Variants in PDCD11 observed in about 807,000 individuals in gnomAD.
The protein encoded by PDCD11 is programmed cell death 11, also known as protein RRP5 homolog.
A neutral mutation model predicts 198.9 loss-of-function variants in PDCD11; 97 were observed. The ratio of observed to expected loss-of-function variants is 0.49; its 90% CI spans 0.41 to 0.58. PDCD11 has a LOEUF of 0.58. PDCD11 is among the 20% of genes least tolerant of loss of function. The probability of loss-of-function intolerance (pLI) is 0.00; values close to 1 mark genes in which losing one functional copy is unlikely to be tolerated. For missense variants in PDCD11, 2,102 were observed against 2,312.7 expected (o/e 0.91, Z 1.87); for synonymous variants, 893 against 918.0 (o/e 0.97, Z 0.49).
At chr10:103,431,260 C>T (rs1180229753) in intron 21 of PDCD11, among the ~76,000 whole-genome samples, 1 of 152,088 alleles carries the variant, frequency 6.6e-6, no homozygotes. Context: ...TGATAACTTT[C>T]AGGCTACATC....
In PDCD11 at chr10:103,444,068, C is replaced by G. The variant is rs754171502; in HGVS notation, c.5278C>G (p.His1760Asp). The G allele has an allele frequency of 7.5e-6, 12 of 1,609,882 alleles. No individual in the cohort carries two copies. Among genetic ancestry groups the G allele is most frequent in the Admixed American group, 1.7e-5 (1 of 59,930 alleles). Residue 1760 changes from histidine to aspartate, a missense_variant and splice_region_variant, in exon 34 of 36, where the codon CAT becomes GAT. Physicochemically the swap from His to Asp is moderately conservative, Grantham distance 81. Transcript: ENST00000369797. ...RALECLPSKE[H>D]VDVIAKFAQL... ...CCTGGAGTGCCTGCCTAGCAAGGAG[C>G]GTGAGTGCTCATTCCCAGCTCCTGA...
At position 103,396,629 on chromosome 10, in the gene PDCD11, C is replaced by T. The variant is rs2093437280; in HGVS notation, c.-113C>T. 6.6e-6 allele frequency: 1 copy of T among 152,292 alleles called. No homozygotes were observed. The highest frequency in any genetic ancestry group is 2.4e-5 in the African/African-American group (1 of 41,480). The allele number at this position is 152,292 out of a possible 1,614,324, so 9.4% of individuals were successfully genotyped here. On this transcript the variant is annotated 5_prime_UTR_variant, in exon 1 of 36. Coordinates refer to ENST00000369797, the MANE Select transcript of PDCD11 (RefSeq NM_014976.2). The stretch of plus-strand genomic sequence containing the variant: ...AAGTAGGGTGTTGAGCCCGCCCACA[C>T]TTCCGGAAGAATTGCACTGGACTGT...
At chr10:103,402,663 T>C (rs2133674878) in intron 3 of PDCD11, among the ~76,000 whole-genome samples, 1 of 152,286 alleles carries the variant, frequency 6.6e-6, no homozygotes, top group South Asian at 2.1e-4. Flanking sequence ...GCTCTCGAAC[T>C]CCTGACCTCA....
intron 28 of PDCD11, 109 bp from the exon 29 acceptor site, chr10:103,440,181 G>A (rs2032318744): frequency 6.8e-7 from 1 of 1,472,468 alleles, no homozygotes; most frequent in Non-Finnish European, 9.1e-7. Flanking sequence ...AAGGCAGATG[G>A]GGGCAGGGCC....
intron 8 of PDCD11, among the ~76,000 whole-genome samples, chr10:103,412,804 C>T (rs766536992): frequency 4.6e-5 from 7 of 152,110 alleles, no homozygotes; most frequent in Admixed American, 6.5e-5. Flanking sequence ...TCACTATGTG[C>T]GCAGGCTGGT....
chr10:103,431,982 C>A, intron 21 of PDCD11, 147 bp from the exon 22 acceptor site: 1 of 598,468 alleles, frequency 1.7e-6, no homozygotes. Flanking sequence ...TGGACATTCC[C>A]CTTTGAGGAG....
chr10:103,416,386 T>C lies in PDCD11; in HGVS notation c.1519-105T>C, dbSNP rs1054545689. On this transcript the variant is annotated intron_variant, in intron 12 of 35. Transcript: ENST00000369797. ...TTAGAGGAAAAGCTATAGCAGGTTC[T>C]TGGGGAATGGCCCCGTGGCTTTTGG... 30 of 1,149,718 alleles carry C rather than the reference T, an allele frequency of 2.6e-5. No homozygotes were observed. In the African/African-American group the frequency reaches 4.2e-4, roughly 16 times the overall value. The allele number at this position is 1,149,718 out of a possible 1,614,324, so 71.2% of individuals were successfully genotyped here.
Position 103,441,908 on chromosome 10 carries a change from C to T in PDCD11, c.4640C>T (p.Thr1547Ile), listed in dbSNP as rs532468766. Residue 1547 changes from threonine (T) to isoleucine (I), a missense_variant, in exon 31 of 36, where the codon ACC (threonine) becomes ATC (isoleucine). Transcript: ENST00000369797. ...FAWNVGLDSL[T>I]PALPPLAESS... ...TGGAATGTGGGACTAGACTCTCTGACCCCGGCCTTGCCACCTCTAGCAGAG... is the reference window on the plus strand; with the variant it reads ...TGGAATGTGGGACTAGACTCTCTGATCCCGGCCTTGCCACCTCTAGCAGAG... The T allele has an allele frequency of 5.4e-5, 87 of 1,614,206 alleles. 2 individuals are homozygous for T. The South Asian group carries it at 9.0e-4, about 17-fold the overall frequency.
chr10:103,432,009 G>A (rs1220534570), intron 21 of PDCD11, 120 bp from the exon 22 acceptor site: 2 of 712,618 alleles, frequency 2.8e-6, no homozygotes, highest in African/African-American at 1.7e-5. Context: ...GGCCTTGGAG[G>A]GTGAGTATGA....
At position 103,433,944 on chromosome 10, in the gene PDCD11, T is replaced by C. The variant is rs1171680962; in HGVS notation, c.3475-4T>C. ...CCCTACTCTGGTTCCTTTTTTTCCC[T>C]CAGTACAATGTGGTGAAGAAATGGC... On this transcript the variant is annotated splice_region_variant and splice_polypyrimidine_tract_variant and intron_variant, in intron 22 of 35. Transcript: ENST00000369797. 1.2e-6 allele frequency: 2 copies of C among 1,610,896 alleles called. No individual in the cohort carries two copies. Among genetic ancestry groups the C allele is most frequent in the African/African-American group, 1.3e-5 (1 of 74,824 alleles).
In PDCD11 at chr10:103,398,537, T is replaced by G. The variant is rs2093449084; in HGVS notation, c.102+9T>G. Reference sequence around the variant, plus strand: ...AAGACAACTTATTTGATGTAAGTAGTATGCTTGTTTGGTGACACTCACTGG... The same window carrying G: ...AAGACAACTTATTTGATGTAAGTAGGATGCTTGTTTGGTGACACTCACTGG... On this transcript the variant is annotated intron_variant, in intron 2 of 35. Coordinates refer to ENST00000369797, the MANE Select transcript of PDCD11 (RefSeq NM_014976.2). 1 of 1,564,044 alleles carries G rather than the reference T, an allele frequency of 6.4e-7. No individual in the cohort carries two copies. The highest frequency in any genetic ancestry group is 1.1e-5 in the South Asian group (1 of 90,072).
intron 4 of PDCD11, among the ~76,000 whole-genome samples, chr10:103,404,539 T>A (rs748207809): frequency 8.5e-5 from 13 of 152,248 alleles, no homozygotes; most frequent in Non-Finnish European, 1.8e-4. Flanking sequence ...CGTCAGGTGA[T>A]CTGCCCGCCT....
intron 25 of PDCD11, among the ~76,000 whole-genome samples, chr10:103,436,293 G>T (rs1162289551): frequency 5.9e-5 from 9 of 152,060 alleles, no homozygotes; most frequent in Non-Finnish European, 1.3e-4. Flanking sequence ...GTAGAGACAG[G>T]GTTTCACCAT....
At chr10:103,438,390 G>A (rs777337669) in intron 26 of PDCD11, among the ~76,000 whole-genome samples, 3 of 152,144 alleles carry the variant, frequency 2.0e-5, no homozygotes, top group Non-Finnish European at 4.4e-5. Context: ...GTATGGAGTT[G>A]GCTTGAGGTC....
chr10:103,427,590 T>C (rs1284345793), intron 21 of PDCD11, among the ~76,000 whole-genome samples, 199 bp downstream of exon 21: 1 of 152,200 alleles, frequency 6.6e-6, no homozygotes, highest in Non-Finnish European at 1.5e-5. Flanking sequence ...GCAAAAGCTG[T>C]GTACAGGTTT....
intron 22 of PDCD11, 78 bp from the exon 23 acceptor site, chr10:103,433,870 T>G: frequency 3.6e-6 from 4 of 1,098,710 alleles, no homozygotes; most frequent in Non-Finnish European, 4.2e-6. Flanking sequence ...CTTTCCACCT[T>G]GTGGTTTTAG....
chr10:103,401,042 AC>A (rs1349757103), intron 3 of PDCD11, among the ~76,000 whole-genome samples: 1 of 152,038 alleles, frequency 6.6e-6, no homozygotes, highest in African/African-American at 2.4e-5. Context: ...GACATGAGCT[AC>A]CCACCGTGCC....
intron 23 of PDCD11, 84 bp downstream of exon 23, chr10:103,434,121 T>C: frequency 3.2e-6 from 4 of 1,259,070 alleles, no homozygotes; most frequent in Non-Finnish European, 4.7e-6. Flanking sequence ...TACAGTGGAT[T>C]TGAGGAAGCT....
intron 32 of PDCD11, 143 bp downstream of exon 32, chr10:103,442,603 T>C: frequency 2.5e-6 from 2 of 802,312 alleles, no homozygotes; most frequent in Non-Finnish European, 4.0e-6. Context: ...TCAGGCTTTC[T>C]GCCATAGCTG....
Sources: allele counts gnomAD v4.1 joint callset (sites outside exome capture counted in the v4.1 genomes callset), GRCh38; gene constraint gnomAD v4.1.1; transcripts MANE v1.5; gene names NCBI Gene and HGNC (gene_info 2026-07-23, HGNC 2026-07-21).